Variants in AGBL4 observed in about 807,000 individuals in gnomAD.
The protein encoded by AGBL4 is AGBL carboxypeptidase 4.
In AGBL4, 58 loss-of-function variants were observed where a neutral mutation model predicts 66.4. That is an observed-to-expected ratio of 0.87 (90% CI 0.71 to 1.09). The LOEUF is 1.09. Among genes scored for constraint, AGBL4 ranks in the 50% least tolerant of loss-of-function variants. The pLI is 0.00. For missense variants in AGBL4, 579 were observed against 631.0 expected (o/e 0.92, Z 0.88); for synonymous variants, 234 against 222.9 (o/e 1.05, Z -0.44).
At chr1:49,173,191 C>T (rs1291937583) in intron 4 of AGBL4, among the ~76,000 whole-genome samples, 1 of 151,950 alleles carries the variant, frequency 6.6e-6, no homozygotes, top group Non-Finnish European at 1.5e-5. Context: ...CATCTTAAGA[C>T]AGAAAGGAAA....
chr1:49,617,755 A>G (rs1453809534), intron 3 of AGBL4, among the ~76,000 whole-genome samples: 1 of 152,228 alleles, frequency 6.6e-6, no homozygotes, highest in Non-Finnish European at 1.5e-5. Flanking sequence ...AGATAAAAAC[A>G]ACAGGAGATA....
At chr1:49,733,115 G>C (rs771505170) in intron 2 of AGBL4, among the ~76,000 whole-genome samples, 1 of 152,202 alleles carries the variant, frequency 6.6e-6, no homozygotes, top group Non-Finnish European at 1.5e-5. Context: ...AAGGAGGCCA[G>C]AAGGCAGTAG....
intron 3 of AGBL4, among the ~76,000 whole-genome samples, chr1:49,528,779 T>C (rs1184569153): frequency 6.6e-6 from 1 of 152,056 alleles, no homozygotes; most frequent in Non-Finnish European, 1.5e-5. Flanking sequence ...AAGAATGATA[T>C]TTCAGGCAGA....
chr1:49,405,652 G>A (rs1645180435), intron 3 of AGBL4, among the ~76,000 whole-genome samples: 1 of 152,082 alleles, frequency 6.6e-6, no homozygotes, highest in South Asian at 2.1e-4. Context: ...CCTTTGATGA[G>A]GTGTACCTTA....
chr1:48,717,474 T>C (rs1647071220), intron 6 of AGBL4, among the ~76,000 whole-genome samples: 1 of 152,234 alleles, frequency 6.6e-6, no homozygotes, highest in Non-Finnish European at 1.5e-5. Context: ...TTCATTTTTT[T>C]TGTTTGCTGT....
intron 4 of AGBL4, chr1:49,175,202 T>C (rs1646809479): frequency 6.6e-6 from 1 of 151,910 alleles, no homozygotes; most frequent in Non-Finnish European, 1.5e-5. Flanking sequence ...GAAATTATTA[T>C]AAAAATAAAT....
At chr1:49,553,681 A>G (rs1370529834) in intron 3 of AGBL4, among the ~76,000 whole-genome samples, 2 of 152,204 alleles carry the variant, frequency 1.3e-5, no homozygotes, top group Admixed American at 6.5e-5. Context: ...ATCCCTACCT[A>G]TATCAGAAAG....
At chr1:48,989,970 G>A (rs1660480293) in intron 5 of AGBL4, among the ~76,000 whole-genome samples, 1 of 152,138 alleles carries the variant, frequency 6.6e-6, no homozygotes, top group South Asian at 2.1e-4. Flanking sequence ...GTTCTCCATA[G>A]TGGTTGTAGT....
intron 4 of AGBL4, among the ~76,000 whole-genome samples, chr1:49,220,423 G>A (rs1649407794): frequency 6.6e-6 from 1 of 152,080 alleles, no homozygotes; most frequent in Admixed American, 6.6e-5. Flanking sequence ...TAACCTCTTT[G>A]AGATTCACGT....
chr1:48,831,918 G>A (rs1478887666), intron 6 of AGBL4, among the ~76,000 whole-genome samples: 1 of 152,186 alleles, frequency 6.6e-6, no homozygotes, highest in Non-Finnish European at 1.5e-5. Context: ...GACAAGTGGA[G>A]GGATGTGAGA....
intron 4 of AGBL4, among the ~76,000 whole-genome samples, chr1:49,102,031 TAGAG>T (rs10674266): frequency 6.9e-6 from 1 of 145,740 alleles, no homozygotes; most frequent in African/African-American, 2.5e-5. Flanking sequence ...GGGAGAGAGA[TAGAG>T]AGAGAGAGAG....
chr1:48,581,917 G>A (rs1012069485), intron 11 of AGBL4, among the ~76,000 whole-genome samples: 3 of 152,216 alleles, frequency 2.0e-5, no homozygotes. Context: ...CTGTATTCTT[G>A]CCACAGCATG....
intron 4 of AGBL4, among the ~76,000 whole-genome samples, chr1:49,134,038 AAG>A (rs913551676): frequency 1.3e-5 from 2 of 151,908 alleles, no homozygotes; most frequent in Admixed American, 6.6e-5. Flanking sequence ...AAGAGTCCAA[AAG>A]AGAGAAATTT....
chr1:48,694,738 C>T (rs972877179), intron 6 of AGBL4, among the ~76,000 whole-genome samples: 23 of 152,182 alleles, frequency 1.5e-4, no homozygotes, highest in African/African-American at 5.5e-4. Context: ...CATTAGGGGT[C>T]CAGAGGATGA....
chr1:48,654,399 TG>T (rs1645985608), intron 7 of AGBL4, among the ~76,000 whole-genome samples: 2 of 152,214 alleles, frequency 1.3e-5, no homozygotes, highest in African/African-American at 4.8e-5. Flanking sequence ...CAAACAACTC[TG>T]AGCCATTGTC....
At chr1:48,526,802 T>A in the AGBL4 span, among the ~76,000 whole-genome samples, 1 of 151,778 alleles carries the variant, frequency 6.6e-6, no homozygotes, top group Non-Finnish European at 1.5e-5. Context: ...TGTTATGATG[T>A]TTATTGTTAT....
chr1:49,176,617 C>T (rs1016997195), intron 4 of AGBL4, among the ~76,000 whole-genome samples: 13 of 152,148 alleles, frequency 8.5e-5, no homozygotes, highest in Admixed American at 8.5e-4. Flanking sequence ...GGCTAATGCA[C>T]AGATGATAGA....
At chr1:49,243,840 A>T (rs1651426329) in intron 4 of AGBL4, among the ~76,000 whole-genome samples, 1 of 151,850 alleles carries the variant, frequency 6.6e-6, no homozygotes, top group African/African-American at 2.4e-5. Context: ...ATGGTACCTT[A>T]TGCCTAAGTG....
intron 2 of AGBL4, among the ~76,000 whole-genome samples, chr1:49,719,488 T>A (rs548326429): frequency 7.7e-4 from 117 of 152,256 alleles, no homozygotes; most frequent in African/African-American, 2.7e-3. Context: ...ATGTTTGTGA[T>A]CGTGGCTCAC....
Sources: gnomAD v4.1 joint callset for allele counts (sites outside exome capture counted in the v4.1 genomes callset) on GRCh38, gnomAD v4.1.1 for gene constraint, MANE v1.5 for transcripts, NCBI Gene and HGNC (gene_info 2026-07-23, HGNC 2026-07-21) for gene names.